Variants in SYT16 observed in about 807,000 individuals in gnomAD.
SYT16 encodes synaptotagmin-16.
SYT16 carries 42 observed loss-of-function variants against 61.4 expected under a neutral mutation model. The observed-to-expected ratio is 0.68, with a 90% CI of 0.53 to 0.89. SYT16 has a LOEUF of 0.89. Ranked by LOEUF, SYT16 falls within the 40% of genes least tolerant of loss-of-function variation. The pLI is 0.00. For missense variants in SYT16, 804 were observed against 807.3 expected, an observed-to-expected ratio of 1.00 and a Z score of 0.05; for synonymous variants, 314 against 302.3, an observed-to-expected ratio of 1.04 and a Z score of -0.40.
At chr14:61,925,953 G>A (rs934189745) in intron 1 of SYT16, among the ~76,000 whole-genome samples, 16 of 152,142 alleles carry the variant, frequency 1.1e-4, no homozygotes, top group African/African-American at 3.6e-4. Context: ...AGACCACTGT[G>A]TAAACTCTGT....
chr14:62,032,566 T>G (rs2054348814), intron 3 of SYT16, among the ~76,000 whole-genome samples: 1 of 152,082 alleles, frequency 6.6e-6, no homozygotes, highest in Non-Finnish European at 1.5e-5. Flanking sequence ...CTTATAAAAA[T>G]GAATTCACAT....
At chr14:61,925,946 C>T (rs150185215) in intron 1 of SYT16, among the ~76,000 whole-genome samples, 43 of 152,256 alleles carry the variant, frequency 2.8e-4, no homozygotes, top group African/African-American at 9.6e-4. Flanking sequence ...TTGTGTAAGA[C>T]CACTGTGTAA....
chr14:61,995,543 C>G (rs948378086), intron 2 of SYT16, among the ~76,000 whole-genome samples: 25 of 151,956 alleles, frequency 1.6e-4, no homozygotes, highest in African/African-American at 6.0e-4. Context: ...ACCTTTTTTG[C>G]GTTTTGAAAT....
At chr14:61,890,734 T>C (rs921264348) in intron 1 of SYT16, among the ~76,000 whole-genome samples, 1 of 152,138 alleles carries the variant, frequency 6.6e-6, no homozygotes, top group Non-Finnish European at 1.5e-5. Context: ...TAAGGGTAGC[T>C]AAGGAAAACC....
chr14:62,040,936 G>A (rs1341117583), intron 3 of SYT16, among the ~76,000 whole-genome samples: 1 of 152,074 alleles, frequency 6.6e-6, no homozygotes, highest in Non-Finnish European at 1.5e-5. Flanking sequence ...TAGGATAGAT[G>A]TATATATAAA....
rs149060900 is a variant in SYT16, at chr14:61,857,168, A to G, written c.-325+44358A>G. On this transcript the variant is annotated intron_variant, in intron 1 of 7. Transcript: ENST00000683842. The stretch of plus-strand genomic sequence containing the variant: ...ACTGTGGGGTCAGCTCCACTGAGAC[A>G]TCTAAGAAGGATGTAAAGCGCCAGC... Among the ~76,000 whole-genome samples the G allele has an allele frequency of 3.9e-3, 587 of 152,278 alleles. 2 individuals carry two copies. Among genetic ancestry groups the G allele is most frequent in the African/African-American group, 0.014 (566 of 41,562 alleles).
At chr14:62,002,308 G>T (rs567837017) in intron 3 of SYT16, among the ~76,000 whole-genome samples, 272 of 152,188 alleles carry the variant, frequency 1.8e-3, no homozygotes, top group African/African-American at 4.0e-3. Flanking sequence ...TGCAATACAG[G>T]CTTCAAAATG....
chr14:61,821,958 C>A (rs1477636229), intron 1 of SYT16, among the ~76,000 whole-genome samples: 1 of 152,100 alleles, frequency 6.6e-6, no homozygotes, highest in African/African-American at 2.4e-5. Context: ...AGGGACAGAG[C>A]CAATAGGATA....
At chr14:62,059,323 T>A (rs561271482) in intron 3 of SYT16, among the ~76,000 whole-genome samples, 3 of 152,218 alleles carry the variant, frequency 2.0e-5, no homozygotes, top group Admixed American at 6.5e-5. Flanking sequence ...GTGGAGCATC[T>A]TTCATTTGTT....
intron 1 of SYT16, among the ~76,000 whole-genome samples, chr14:61,835,741 A>G (rs1458412779): frequency 6.6e-6 from 1 of 152,178 alleles, no homozygotes; most frequent in Non-Finnish European, 1.5e-5. Flanking sequence ...TGATGTTGCC[A>G]AATTTCCCTA....
chr14:61,997,432 C>T (rs2052813365), intron 3 of SYT16, among the ~76,000 whole-genome samples: 1 of 152,038 alleles, frequency 6.6e-6, no homozygotes, highest in Admixed American at 6.6e-5. Flanking sequence ...TTCTGGAATA[C>T]CTCATAGTCC....
intron 4 of SYT16, among the ~76,000 whole-genome samples, chr14:62,071,841 C>T (rs1000026211): frequency 6.6e-6 from 1 of 152,080 alleles, no homozygotes; most frequent in African/African-American, 2.4e-5. Context: ...ATTAAAGGGC[C>T]AAATCTAAGT....
At chr14:61,849,686 C>CA (rs35372304) in intron 1 of SYT16, among the ~76,000 whole-genome samples, 1 of 151,772 alleles carries the variant, frequency 6.6e-6, no homozygotes, top group East Asian at 1.9e-4. Context: ...TGGCCACTGT[C>CA]GGGGTGGGAG....
At chr14:62,025,807 A>G (rs897683251) in intron 3 of SYT16, among the ~76,000 whole-genome samples, 1 of 151,986 alleles carries the variant, frequency 6.6e-6, no homozygotes, top group Non-Finnish European at 1.5e-5. Flanking sequence ...TATTGTTGGT[A>G]TATAGGAAGG....
chr14:62,067,104 A>ATGTGTG, intron 3 of SYT16, among the ~76,000 whole-genome samples: 1 of 150,692 alleles, frequency 6.6e-6, no homozygotes, highest in African/African-American at 2.4e-5. Flanking sequence ...GTGTGTGTGC[A>ATGTGTG]TGTGTGTGTG....
intron 3 of SYT16, among the ~76,000 whole-genome samples, chr14:62,018,114 G>A (rs1207226158): frequency 3.9e-5 from 6 of 151,992 alleles, no homozygotes; most frequent in Admixed American, 2.0e-4. Flanking sequence ...GTCAAAGCAT[G>A]TCATTCCTTT....
intron 1 of SYT16, among the ~76,000 whole-genome samples, chr14:61,892,423 T>A (rs925311228): frequency 6.6e-6 from 1 of 152,100 alleles, no homozygotes; most frequent in Non-Finnish European, 1.5e-5. Flanking sequence ...CTCCATTTTC[T>A]CTCATGCTCT....
chr14:61,820,503 A>C (rs1417541442), intron 1 of SYT16, among the ~76,000 whole-genome samples: 1 of 53,554 alleles, frequency 1.9e-5, no homozygotes, highest in Admixed American at 2.9e-4. Context: ...TTTTTTTGAG[A>C]CGTAGTCTCG....
chr14:62,083,278 T>C (rs1254377585), intron 6 of SYT16, among the ~76,000 whole-genome samples: 1 of 152,188 alleles, frequency 6.6e-6, no homozygotes, highest in African/African-American at 2.4e-5. Context: ...TTTGAAGAAA[T>C]GATTTCAAAC....
Sources: allele counts gnomAD v4.1 joint callset (sites outside exome capture counted in the v4.1 genomes callset), GRCh38; gene constraint gnomAD v4.1.1; transcripts MANE v1.5; gene names NCBI Gene and HGNC (gene_info 2026-07-23, HGNC 2026-07-21).